The following ABRAXAS2 variants were observed in gnomAD, a reference collection of about 807,000 sequenced individuals.
ABRAXAS2 encodes abraxas 2, BRISC complex subunit.
ABRAXAS2 carries 23 observed loss-of-function variants against 49.0 expected under a neutral mutation model. That is an observed-to-expected ratio of 0.47 (90% CI 0.34 to 0.66). The LOEUF (loss-of-function observed/expected upper bound fraction) is 0.66, where lower values mean the gene tolerates loss of function less well. ABRAXAS2 is among the 30% of genes least tolerant of loss of function. The pLI, the probability that ABRAXAS2 is intolerant of heterozygous loss-of-function variation, is 0.01. For synonymous variants in ABRAXAS2, 168 were observed against 180.2 expected (o/e 0.93, Z 0.54); for missense variants, 443 against 511.9 (o/e 0.87, Z 1.30).
At chr10:124,815,451 C>G (rs1348888000) in intron 2 of ABRAXAS2, among the ~76,000 whole-genome samples, 1 of 152,180 alleles carries the variant, frequency 6.6e-6, no homozygotes, top group Non-Finnish European at 1.5e-5. Context: ...ACCTTGGCCT[C>G]CCAAAGTGCT....
chr10:124,814,153 G>C (rs1478871705), intron 2 of ABRAXAS2, among the ~76,000 whole-genome samples: 1 of 151,784 alleles, frequency 6.6e-6, no homozygotes. Context: ...CACCATGCCC[G>C]GCTAATTTTG....
At chr10:124,806,506 T>G (rs1950745508) in intron 1 of ABRAXAS2, among the ~76,000 whole-genome samples, 1 of 152,232 alleles carries the variant, frequency 6.6e-6, no homozygotes, top group Non-Finnish European at 1.5e-5. Flanking sequence ...AAAGCAACTT[T>G]GAAATATTTC....
intron 4 of ABRAXAS2, among the ~76,000 whole-genome samples, chr10:124,823,509 G>A (rs1275420309): frequency 6.6e-6 from 1 of 152,206 alleles, no homozygotes; most frequent in Non-Finnish European, 1.5e-5. Context: ...GTGCTTTCCG[G>A]AAGCTCTGAA....
chr10:124,831,364 G>A lies in ABRAXAS2; in HGVS notation c.679G>A (p.Val227Ile). ...TTTTCCTCAGGCAGTGTGTGCAGATGTTGAAAAGAGTGAGCGAGTTGTTGA... is the reference window on the plus strand; with the variant it reads ...TTTTCCTCAGGCAGTGTGTGCAGATATTGAAAAGAGTGAGCGAGTTGTTGA... ...QEKVQAVCADVEKSERVVESC... is the reference protein window; with the variant it reads ...QEKVQAVCADIEKSERVVESC... Residue 227 changes from valine to isoleucine, a missense_variant, in exon 8 of 9, where the codon GTT (valine) becomes ATT (isoleucine). By Grantham distance (29) the Val-to-Ile change is conservative. Around this residue, in one of 3 missense-constraint regions of ABRAXAS2, gnomAD observed 230 missense variants for 237.0 expected, o/e 0.97. Coordinates refer to ENST00000298492, the MANE Select transcript of ABRAXAS2 (RefSeq NM_032182.4). 6.2e-6 allele frequency: 10 copies of A among 1,611,386 alleles called. No homozygotes were observed. The highest frequency in any genetic ancestry group is 8.5e-6 in the Non-Finnish European group (10 of 1,177,696).
intron 1 of ABRAXAS2, among the ~76,000 whole-genome samples, chr10:124,805,749 G>A (rs1404992431): frequency 3.3e-5 from 5 of 152,218 alleles, no homozygotes; most frequent in Non-Finnish European, 5.9e-5. Context: ...AGGCCTCTCC[G>A]CTAAGGTGCC....
At chr10:124,808,791 T>G (rs1950764640) in intron 2 of ABRAXAS2, among the ~76,000 whole-genome samples, 1 of 152,190 alleles carries the variant, frequency 6.6e-6, no homozygotes, top group Non-Finnish European at 1.5e-5. Context: ...CCTGTTCATA[T>G]GACTAAAATA....
intron 2 of ABRAXAS2, among the ~76,000 whole-genome samples, chr10:124,813,635 C>T (rs1388362370): frequency 6.6e-6 from 1 of 152,188 alleles, no homozygotes; most frequent in Non-Finnish European, 1.5e-5. Flanking sequence ...AAGTTCATTT[C>T]GATCTGCAGC....
In ABRAXAS2 at chr10:124,835,012, A is replaced by G; in HGVS notation, c.*41A>G. 2.0e-6 allele frequency: 3 copies of G among 1,468,246 alleles called. No individual in the cohort carries two copies. Among genetic ancestry groups the G allele is most frequent in the Non-Finnish European group, 2.8e-6 (3 of 1,086,140 alleles). 91.0% of individuals were successfully genotyped at this position (1,468,246 alleles called of 1,614,324 possible). ...TCTCCACCTAGCACTGTTTTTCTTC[A>G]TTGCTTACTGAGAGGGTTTTTGAGA... is the stretch of plus-strand genomic sequence containing the variant. On this transcript the variant is annotated 3_prime_UTR_variant, in exon 9 of 9. Transcript: ENST00000298492.
rs1015996638 is a variant in ABRAXAS2 at position 124,817,248 on chromosome 10, T to C, written c.200+636T>C. ...ACCGCAGACAAGAGGGGGACTACTG[T>C]ATACACCAATGCCATATTATGACCA... On this transcript the variant is annotated intron_variant, in intron 3 of 8. Coordinates refer to ENST00000298492, the MANE Select transcript of ABRAXAS2 (RefSeq NM_032182.4). Among the ~76,000 whole-genome samples, 3 of 152,132 alleles carry C rather than the reference T, an allele frequency of 2.0e-5. No individual in the cohort carries two copies. In the East Asian group the frequency reaches 5.8e-4, roughly 29 times the overall value.
At chr10:124,824,812 A>G (rs1224088047) in intron 4 of ABRAXAS2, among the ~76,000 whole-genome samples, 2 of 152,144 alleles carry the variant, frequency 1.3e-5, no homozygotes, top group African/African-American at 4.8e-5. Context: ...TTAGAATGAA[A>G]TGTGCTATGT....
Position 124,834,644 on chromosome 10 carries a change from T to G in ABRAXAS2, c.921T>G (p.Pro307=). The change falls in exon 9 of 9, where the codon CCT becomes CCG. Residue 307 remains proline (P), a synonymous_variant. Coordinates refer to ENST00000298492, the MANE Select transcript of ABRAXAS2 (RefSeq NM_032182.4). The part of the protein sequence containing the change: ...GDAEASDPPP[P]YSDFHPNNQE... ...CAGAGGCCTCGGATCCTCCTCCCCCTTACTCTGATTTTCACCCAAACAATC... is the reference window on the plus strand; with the variant it reads ...CAGAGGCCTCGGATCCTCCTCCCCCGTACTCTGATTTTCACCCAAACAATC... The G allele has an allele frequency of 6.2e-7, 1 of 1,614,124 alleles. No individual in the cohort carries two copies. Among genetic ancestry groups the G allele is most frequent in the Non-Finnish European group, 8.5e-7 (1 of 1,180,014 alleles).
intron 1 of ABRAXAS2, among the ~76,000 whole-genome samples, chr10:124,802,514 C>G (rs895123888): frequency 6.6e-6 from 1 of 152,114 alleles, no homozygotes; most frequent in Non-Finnish European, 1.5e-5. Flanking sequence ...CTAGTTCTTT[C>G]ACTAGTCACA....
In ABRAXAS2 at chr10:124,812,410, C is replaced by T. The variant is rs550927779; in HGVS notation, c.164-4166C>T. On this transcript the variant is annotated intron_variant, in intron 2 of 8. Coordinates refer to ENST00000298492, the MANE Select transcript of ABRAXAS2 (RefSeq NM_032182.4). Reference sequence around the variant, plus strand: ...TCACACCTGTAAAGCTTTCAAAGGCCGTGGTAGGAGGATTGCTTGAGGCCA... The same window carrying T: ...TCACACCTGTAAAGCTTTCAAAGGCTGTGGTAGGAGGATTGCTTGAGGCCA... Among the ~76,000 whole-genome samples the T allele has an allele frequency of 3.1e-4, 47 of 152,060 alleles. 2 individuals are homozygous for T. In the South Asian group the frequency reaches 9.8e-3, roughly 32 times the overall value.
intron 3 of ABRAXAS2, among the ~76,000 whole-genome samples, chr10:124,818,597 T>G (rs1241816975): frequency 1.3e-5 from 2 of 152,100 alleles, no homozygotes; most frequent in African/African-American, 2.4e-5. Flanking sequence ...TGGCTTTTTT[T>G]GTTTGTTTTT....
At chr10:124,829,008 A>G (rs1950914310) in intron 6 of ABRAXAS2, 133 bp downstream of exon 6, 11 of 802,966 alleles carry the variant, frequency 1.4e-5, no homozygotes, top group South Asian at 9.9e-5. Flanking sequence ...CAGTAAGGTA[A>G]TTGTCTAGAT....
chr10:124,818,850 T>C (rs1950842592), intron 3 of ABRAXAS2, among the ~76,000 whole-genome samples: 1 of 152,182 alleles, frequency 6.6e-6, no homozygotes, highest in Non-Finnish European at 1.5e-5. Flanking sequence ...CCCTGTGATT[T>C]GGAGGAAGTC....
At chr10:124,819,973 T>C (rs888099278) in intron 4 of ABRAXAS2, among the ~76,000 whole-genome samples, 2 of 152,218 alleles carry the variant, frequency 1.3e-5, no homozygotes, top group African/African-American at 4.8e-5. Context: ...TAATTTACCG[T>C]GTTATACTAT....
chr10:124,833,819 G>A (rs1453748063), intron 8 of ABRAXAS2, among the ~76,000 whole-genome samples: 1 of 152,090 alleles, frequency 6.6e-6, no homozygotes, highest in Non-Finnish European at 1.5e-5. Context: ...AGGCTATATG[G>A]ATTATGTGGG....
rs756495808 is a variant in ABRAXAS2, at chr10:124,819,365, AT to A, written c.201-12del. ...CAATACTATGTGGTGTTAGTACAAG[AT>A]TTTTTTCTCTTAAACAGTTTTTATG... On this transcript the variant is annotated intron_variant, in intron 3 of 8. Coordinates refer to ENST00000298492, the MANE Select transcript of ABRAXAS2 (RefSeq NM_032182.4). 5.6e-6 allele frequency: 9 copies of A among 1,610,832 alleles called. No homozygotes were observed. The highest frequency in any genetic ancestry group is 2.2e-5 in the East Asian group (1 of 44,834).
Sources: gnomAD v4.1 joint callset for allele counts (sites outside exome capture counted in the v4.1 genomes callset) on GRCh38, gnomAD v4.1.1 for gene constraint, gnomAD v4.1.1 regional missense constraint, MANE v1.5 for transcripts, NCBI Gene and HGNC (gene_info 2026-07-23, HGNC 2026-07-21) for gene names.